NELL1: variants seen among roughly 807,000 people sequenced by gnomAD.
The protein encoded by NELL1 is protein kinase C-binding protein NELL1.
A neutral mutation model predicts 107.4 loss-of-function variants in NELL1; 76 were observed. The observed-to-expected ratio is 0.71, with a 90% CI of 0.59 to 0.86. NELL1 has a LOEUF of 0.86. Among genes scored for constraint, NELL1 ranks in the 40% least tolerant of loss-of-function variants. The pLI, the probability that NELL1 is intolerant of heterozygous loss-of-function variation, is 0.00. For synonymous variants in NELL1, 353 were observed against 341.2 expected (o/e 1.03, Z -0.38); for missense variants, 1,024 against 1,005.5 (o/e 1.02, Z -0.25).
At chr11:21,358,586 T>TTTTTTG (rs386373295) in intron 14 of NELL1, among the ~76,000 whole-genome samples, 3 of 148,548 alleles carry the variant, frequency 2.0e-5, no homozygotes, top group Non-Finnish European at 3.0e-5. Flanking sequence ...TTTTTTTTTT[T>TTTTTTG]TTGGATTTTT....
chr11:21,020,355 A>G (rs906029228), intron 12 of NELL1, among the ~76,000 whole-genome samples: 6 of 152,056 alleles, frequency 3.9e-5, no homozygotes, highest in Non-Finnish European at 8.8e-5. Context: ...GGAAATCACA[A>G]GTGCTCTAAG....
At chr11:21,370,814 C>T (rs1007668135) in intron 14 of NELL1, 39 bp from the exon 15 acceptor site, 13 of 1,504,308 alleles carry the variant, frequency 8.6e-6, no homozygotes, top group African/African-American at 5.5e-5. Context: ...TTATCTATTG[C>T]ATTTTATCTA....
chr11:21,037,531 C>CGATGTAT (rs1245731151), intron 12 of NELL1, among the ~76,000 whole-genome samples: 1 of 152,110 alleles, frequency 6.6e-6, no homozygotes, highest in African/African-American at 2.4e-5. Flanking sequence ...ACATGTTCCC[C>CGATGTAT]GATGTATGCC....
chr11:20,862,320 G>A (rs1848993010), intron 4 of NELL1, among the ~76,000 whole-genome samples: 1 of 151,562 alleles, frequency 6.6e-6, no homozygotes, highest in Admixed American at 6.6e-5. Flanking sequence ...GTTCTGTTTT[G>A]GCATAGCAAA....
intron 3 of NELL1, among the ~76,000 whole-genome samples, chr11:20,832,611 A>G (rs1020028050): frequency 2.0e-5 from 3 of 152,202 alleles, no homozygotes; most frequent in Non-Finnish European, 4.4e-5. Flanking sequence ...CTCACAGATG[A>G]TGGTGATACA....
chr11:20,799,868 C>T (rs1390735843), intron 3 of NELL1, among the ~76,000 whole-genome samples: 2 of 152,106 alleles, frequency 1.3e-5, no homozygotes, highest in Non-Finnish European at 2.9e-5. Context: ...CTCCTTCCTC[C>T]TTCTAGTAGT....
chr11:20,783,911 G>A (rs1307915193), intron 3 of NELL1, 81 bp downstream of exon 3: 10 of 1,353,684 alleles, frequency 7.4e-6, no homozygotes, highest in Non-Finnish European at 9.8e-6. Context: ...AGAGTTTGTA[G>A]CCCCATGAAA....
intron 2 of NELL1, among the ~76,000 whole-genome samples, chr11:20,704,659 T>C (rs1854891862): frequency 1.3e-5 from 2 of 152,176 alleles, no homozygotes; most frequent in East Asian, 1.9e-4. Flanking sequence ...TTCCTTTCCA[T>C]GTTCAGTGCT....
chr11:21,061,372 A>G (rs1385698700), intron 12 of NELL1, among the ~76,000 whole-genome samples: 1 of 152,198 alleles, frequency 6.6e-6, no homozygotes, highest in East Asian at 1.9e-4. Context: ...AGATCAGGGA[A>G]GACTTCACTG....
intron 14 of NELL1, among the ~76,000 whole-genome samples, chr11:21,357,676 A>G (rs1850968375): frequency 6.6e-6 from 1 of 151,980 alleles, no homozygotes; most frequent in Non-Finnish European, 1.5e-5. Context: ...TATGTTTGTT[A>G]TTGTTGCATT....
At chr11:21,231,233 A>G (rs1208233996) in intron 14 of NELL1, among the ~76,000 whole-genome samples, 1 of 152,186 alleles carries the variant, frequency 6.6e-6, no homozygotes, top group Non-Finnish European at 1.5e-5. Flanking sequence ...ATAAATATCT[A>G]TATACATATT....
chr11:20,753,239 C>A (rs1314308848), intron 2 of NELL1, among the ~76,000 whole-genome samples: 4 of 152,196 alleles, frequency 2.6e-5, no homozygotes, highest in African/African-American at 9.6e-5. Context: ...GTGCTAATGG[C>A]TTCTATGCTA....
chr11:20,995,262 A>C (rs1214522378), intron 12 of NELL1, among the ~76,000 whole-genome samples: 1 of 152,144 alleles, frequency 6.6e-6, no homozygotes, highest in Non-Finnish European at 1.5e-5. Flanking sequence ...GCTGTAAATA[A>C]CTAAGAGTTA....
intron 12 of NELL1, among the ~76,000 whole-genome samples, chr11:21,045,825 T>C (rs964504309): frequency 6.6e-6 from 1 of 152,180 alleles, no homozygotes; most frequent in Admixed American, 6.6e-5. Context: ...CATTCTTTAG[T>C]TTAGTCATAA....
At position 21,402,464 on chromosome 11, in the gene NELL1, A is replaced by G. The variant is rs530830634; in HGVS notation, c.1645+31516A>G. Among the ~76,000 whole-genome samples, 3 of 151,894 alleles carry G rather than the reference A, an allele frequency of 2.0e-5. No individual in the cohort carries two copies. The South Asian group carries it at 6.2e-4, about 31-fold the overall frequency. ...TGGTGAAATTTCAGGCAGTTTCACA[A>G]ATTTATGCTGTGTCAGCCATTGCTT... On this transcript the variant is annotated intron_variant, in intron 15 of 19. Coordinates refer to ENST00000357134, the MANE Select transcript of NELL1 (RefSeq NM_006157.5).
intron 16 of NELL1, among the ~76,000 whole-genome samples, chr11:21,540,811 C>G (rs1591019869): frequency 6.6e-6 from 1 of 152,028 alleles, no homozygotes; most frequent in African/African-American, 2.4e-5. Context: ...TTGACATGAG[C>G]TTTGGGTGGA....
intron 13 of NELL1, among the ~76,000 whole-genome samples, chr11:21,145,585 A>G (rs999876796): frequency 2.0e-5 from 3 of 152,226 alleles, no homozygotes; most frequent in Admixed American, 1.3e-4. Context: ...TGCTGCTGCT[A>G]TCTCTTGATT....
chr11:21,169,030 A>T (rs995258337), intron 13 of NELL1, among the ~76,000 whole-genome samples: 1 of 151,944 alleles, frequency 6.6e-6, no homozygotes, highest in Non-Finnish European at 1.5e-5. Flanking sequence ...TAAAAGCTTG[A>T]TGCTACTATT....
intron 12 of NELL1, among the ~76,000 whole-genome samples, chr11:21,051,139 C>G (rs1853483521): frequency 6.6e-6 from 1 of 152,150 alleles, no homozygotes; most frequent in Admixed American, 6.6e-5. Context: ...AGCCCAAATG[C>G]CCCTTAATCA....
Sources: allele counts gnomAD v4.1 joint callset (sites outside exome capture counted in the v4.1 genomes callset), GRCh38; gene constraint gnomAD v4.1.1; transcripts MANE v1.5; gene names NCBI Gene and HGNC (gene_info 2026-07-23, HGNC 2026-07-21).